Variants in NRG1 observed in about 807,000 individuals in gnomAD.
The protein encoded by NRG1 is pro-neuregulin-1, membrane-bound isoform.
NRG1 carries 18 observed loss-of-function variants against 63.8 expected under a neutral mutation model. The ratio of observed to expected loss-of-function variants is 0.28; its 90% CI spans 0.19 to 0.42. The LOEUF is 0.42. Ranked by LOEUF, NRG1 falls within the 10% of genes least tolerant of loss-of-function variation. NRG1 has a pLI of 1.00. For missense variants in NRG1, 762 were observed against 814.7 expected (o/e 0.94, Z 0.79); for synonymous variants, 302 against 301.3 (o/e 1.00, Z -0.02).
At chr8:31,850,452 C>T (rs566762928) in intron 1 of NRG1, among the ~76,000 whole-genome samples, 51 of 152,212 alleles carry the variant, frequency 3.4e-4, no homozygotes, top group African/African-American at 1.1e-3. Context: ...GGGTCCATGG[C>T]AACTGAAAAA....
intron 1 of NRG1, among the ~76,000 whole-genome samples, chr8:31,958,339 C>A (rs1804828904): frequency 6.6e-6 from 1 of 152,160 alleles, no homozygotes; most frequent in East Asian, 1.9e-4. Context: ...AATTTGGGTA[C>A]CATTTTGTTA....
At chr8:32,411,797 C>T (rs1427635800) in intron 1 of NRG1, among the ~76,000 whole-genome samples, 2 of 152,138 alleles carry the variant, frequency 1.3e-5, no homozygotes, top group Admixed American at 6.6e-5. Flanking sequence ...CAGTTGCATC[C>T]GAAAAGCCTG....
At chr8:31,959,578 C>T (rs1805059985) in intron 1 of NRG1, among the ~76,000 whole-genome samples, 2 of 151,958 alleles carry the variant, frequency 1.3e-5, no homozygotes. Context: ...GAAAGAACAC[C>T]GGGTACTATC....
intron 1 of NRG1, among the ~76,000 whole-genome samples, chr8:31,862,907 C>T (rs1178076335): frequency 6.6e-6 from 1 of 152,168 alleles, no homozygotes; most frequent in Admixed American, 6.5e-5. Context: ...AGGCATCCTC[C>T]CGAGCCATAT....
chr8:32,366,570 C>T (rs1162788319), intron 1 of NRG1, among the ~76,000 whole-genome samples: 1 of 150,756 alleles, frequency 6.6e-6, no homozygotes, highest in Non-Finnish European at 1.5e-5. Flanking sequence ...TATGTATATA[C>T]ACATATAACG....
At chr8:32,771,884 G>A (rs1017529262), downstream of NRG1, among the ~76,000 whole-genome samples, 15 of 147,232 alleles carry the variant, frequency 1.0e-4, no homozygotes, top group African/African-American at 1.5e-4. Flanking sequence ...TTAGCCGGGC[G>A]TGGTGGCACA....
intron 3 of NRG1, among the ~76,000 whole-genome samples, chr8:32,613,272 G>T (rs1846701565): frequency 6.6e-6 from 1 of 152,020 alleles, no homozygotes; most frequent in Non-Finnish European, 1.5e-5. Flanking sequence ...GCAGCAGAAA[G>T]ACACATTTGG....
intron 1 of NRG1, among the ~76,000 whole-genome samples, chr8:32,137,249 C>T (rs905074364): frequency 6.6e-6 from 1 of 152,054 alleles, no homozygotes; most frequent in African/African-American, 2.4e-5. Flanking sequence ...AGTTCAAGAC[C>T]AGCCTGGCCA....
chr8:32,450,076 G>A (rs988923115), intron 1 of NRG1, among the ~76,000 whole-genome samples: 1 of 152,138 alleles, frequency 6.6e-6, no homozygotes, highest in East Asian at 1.9e-4. Context: ...CTGGCAACCC[G>A]GTGGGCAGGT....
intron 1 of NRG1, among the ~76,000 whole-genome samples, chr8:31,791,178 C>T (rs1396029164): frequency 6.9e-6 from 1 of 144,084 alleles, no homozygotes; most frequent in Non-Finnish European, 1.5e-5. Context: ...CACTGCACTC[C>T]AGCTGGGTGG....
At chr8:32,293,538 A>G (rs78522039) in intron 1 of NRG1, among the ~76,000 whole-genome samples, 1 of 152,170 alleles carries the variant, frequency 6.6e-6, no homozygotes. Flanking sequence ...GCAGCCACAG[A>G]ATACTAATAT....
At chr8:32,506,757 G>C (rs1828579233) in intron 1 of NRG1, among the ~76,000 whole-genome samples, 1 of 151,960 alleles carries the variant, frequency 6.6e-6, no homozygotes, top group Admixed American at 6.6e-5. Flanking sequence ...GCTCACACCT[G>C]TAATCCCAGC....
At chr8:32,395,880 A>G (rs369268220) in intron 1 of NRG1, among the ~76,000 whole-genome samples, 123 of 152,208 alleles carry the variant, frequency 8.1e-4, no homozygotes, top group African/African-American at 2.8e-3. Flanking sequence ...CTTTATGTCT[A>G]TGATCCATTT....
chr8:32,586,548 A>G (rs1189529322), intron 1 of NRG1, among the ~76,000 whole-genome samples: 4 of 152,186 alleles, frequency 2.6e-5, no homozygotes, highest in Non-Finnish European at 5.9e-5. Context: ...TGTAGTGGCT[A>G]TGAAATGGAG....
chr8:32,049,831 A>G (rs1821683190), intron 1 of NRG1, among the ~76,000 whole-genome samples: 1 of 152,234 alleles, frequency 6.6e-6, no homozygotes, highest in South Asian at 2.1e-4. Flanking sequence ...CAGACCCTCC[A>G]ATCAGCCTGA....
At chr8:31,962,568 G>A (rs1017692788) in intron 1 of NRG1, among the ~76,000 whole-genome samples, 5 of 152,088 alleles carry the variant, frequency 3.3e-5, no homozygotes, top group African/African-American at 1.2e-4. Flanking sequence ...GACCTATATG[G>A]GACCTTCAAA....
intron 1 of NRG1, among the ~76,000 whole-genome samples, chr8:31,762,630 T>C (rs572209876): frequency 2.0e-5 from 3 of 152,264 alleles, no homozygotes; most frequent in Non-Finnish European, 4.4e-5. Flanking sequence ...ACTTTTATTT[T>C]CTGTCTAATT....
At chr8:32,058,814 C>G (rs574462961) in intron 1 of NRG1, among the ~76,000 whole-genome samples, 1 of 152,132 alleles carries the variant, frequency 6.6e-6, no homozygotes, top group East Asian at 1.9e-4. Context: ...AATATTTTCT[C>G]TTTATTCCCC....
chr8:32,619,330 C>T (rs1188894351), intron 5 of NRG1, among the ~76,000 whole-genome samples: 1 of 151,930 alleles, frequency 6.6e-6, no homozygotes, highest in African/African-American at 2.4e-5. Flanking sequence ...GTGTAGGGGA[C>T]CATAAGGAGC....
Sources: allele counts gnomAD v4.1 joint callset (sites outside exome capture counted in the v4.1 genomes callset), GRCh38; gene constraint gnomAD v4.1.1; transcripts MANE v1.5; gene names NCBI Gene and HGNC (gene_info 2026-07-23, HGNC 2026-07-21).